The following CHRM4 variants were observed in gnomAD, a reference collection of about 807,000 sequenced individuals.
CHRM4 encodes the protein muscarinic acetylcholine receptor M4.
Under a neutral mutation model 26.3 loss-of-function variants are expected in CHRM4, and 5 were observed. The ratio of observed to expected loss-of-function variants is 0.19; its 90% confidence interval spans 0.10 to 0.40. The LOEUF (loss-of-function observed/expected upper bound fraction) is 0.40. CHRM4 is among the 10% of genes least tolerant of loss of function. The pLI, the probability that CHRM4 is intolerant of heterozygous loss-of-function variation, is 1.00. For synonymous variants in CHRM4, 290 were observed against 285.3 expected (o/e 1.02, Z -0.16); for missense variants, 402 against 664.5 (o/e 0.60, Z 4.34).
At position 46,386,333 on chromosome 11, in the gene CHRM4, C is replaced by G. The variant is rs202200783; in HGVS notation, c.225G>C (p.Ala75=). 4.3e-6 allele frequency: 7 copies of G among 1,613,844 alleles called. No individual in the cohort carries two copies. The African/African-American group carries it at 9.3e-5, about 22-fold the overall frequency. Residue 75 remains alanine (A), a synonymous_variant, in exon 2 of 2, where the codon GCG becomes GCC. Transcript: ENST00000682254. The surrounding 1 kb of genome is among the most constrained non-coding windows in gnomAD (Gnocchi z 5.8). The part of the protein sequence containing the change: ...TVNNYFLFSL[A]CADLIIGAFS... ...AGGCGCCTATGATGAGATCAGCACACGCCAGGCTGAAGAGGAAGTAGTTGT... is the reference window on the plus strand; with the variant it reads ...AGGCGCCTATGATGAGATCAGCACAGGCCAGGCTGAAGAGGAAGTAGTTGT...
chr11:46,385,461 C>A lies in CHRM4; in HGVS notation c.1097G>T (p.Gly366Val). ...GGCCACGTTGGCCGCAGGGCGCATGCCAGCCGGCGTGGCAGGCACAATCTC... is the reference window on the plus strand; with the variant it reads ...GGCCACGTTGGCCGCAGGGCGCATGACAGCCGGCGTGGCAGGCACAATCTC... ...AIEIVPATPA[G>V]MRPAANVARK... is the part of the protein sequence containing the mutation. Residue 366 changes from glycine (G) to valine (V), a missense_variant, in exon 2 of 2, where the codon GGC (glycine) becomes GTC (valine). By Grantham distance (109) the Gly-to-Val change is moderately radical (BLOSUM62 -3). Around this residue, in one of 5 missense-constraint regions of CHRM4, gnomAD observed 205 missense variants for 244.0 expected, o/e 0.84. Transcript: ENST00000682254. The surrounding 1 kb of genome is among the most constrained non-coding windows in gnomAD (Gnocchi z 6.3). The A allele has an allele frequency of 6.2e-7, 1 of 1,602,470 alleles. No homozygotes were observed.
chr11:46,388,517 A>C (rs986643897), intron 1 of CHRM4, among the ~76,000 whole-genome samples: 1 of 152,264 alleles, frequency 6.6e-6, no homozygotes, highest in Non-Finnish European at 1.5e-5. Context: ...TCGCAGATAC[A>C]GACCCAGCCT....
In CHRM4 at chr11:46,391,015, G is replaced by A. The variant is rs1203658696; in HGVS notation, c.-30+516C>T. Among the ~76,000 whole-genome samples, 2 of 152,210 alleles carry A rather than the reference G, an allele frequency of 1.3e-5. No homozygotes were observed. The highest frequency in any genetic ancestry group is 2.9e-5 in the Non-Finnish European group (2 of 68,024). On this transcript the variant is annotated intron_variant, in intron 1 of 1. Transcript: ENST00000682254. This position sits in a 1 kb window ranked among gnomAD's most constrained non-coding sequence, Gnocchi z 6.3. ...ACATTGTGCCCAACACTTCCGTTGC[G>A]GGGCCGGAGGAGGGGGCCTGGAGCT...
intron 1 of CHRM4, among the ~76,000 whole-genome samples, chr11:46,389,302 C>A (rs1945371319): frequency 6.6e-6 from 1 of 152,240 alleles, no homozygotes; most frequent in South Asian, 2.1e-4. Context: ...GTCTTGTCTT[C>A]TCCCAGATCC....
intron 1 of CHRM4, among the ~76,000 whole-genome samples, chr11:46,388,253 G>A (rs1490996519): frequency 2.0e-5 from 3 of 152,242 alleles, no homozygotes; most frequent in East Asian, 3.8e-4. Flanking sequence ...CGCGGCAGCC[G>A]GCTGTGGAGG....
At chr11:46,390,329 CAG>C (rs1049188586) in intron 1 of CHRM4, among the ~76,000 whole-genome samples, 4 of 152,224 alleles carry the variant, frequency 2.6e-5, no homozygotes, top group African/African-American at 9.7e-5. Flanking sequence ...AAAGATGTGG[CAG>C]AGTCCTAGCC....
In CHRM4 at chr11:46,384,025, C is replaced by G. The variant is rs1590680135; in HGVS notation, c.*1093G>C. Among the ~76,000 whole-genome samples, 1 of 152,328 alleles carries G rather than the reference C, an allele frequency of 6.6e-6. No homozygotes were observed. Among genetic ancestry groups the G allele is most frequent in the East Asian group, 1.9e-4 (1 of 5,180 alleles). ...GGTGCTCCCCATCAAGTCACCTAAG[C>G]CTTTCGGTCCTCATCTCCCTCAGGG... On this transcript the variant is annotated 3_prime_UTR_variant, in exon 2 of 2. Coordinates refer to ENST00000682254, the MANE Select transcript of CHRM4 (RefSeq NM_000741.5).
rs1013688972 is a variant in CHRM4, at chr11:46,385,046, C to T, written c.*72G>A. 2.9e-5 allele frequency: 43 copies of T among 1,481,802 alleles called. No individual in the cohort carries two copies. Among genetic ancestry groups the T allele is most frequent in the South Asian group, 9.4e-5 (7 of 74,308 alleles). The allele number at this position is 1,481,802 out of a possible 1,614,324, so 91.8% of individuals were successfully genotyped here. A position where few individuals can be genotyped will look rare whatever the true frequency, so the allele number is the denominator to read the frequency against. ...GAATGGTGCCTGCAACTCTTCCCCA[C>T]AGCAAGTGAGCCGTGTGGTCCCCCC... On this transcript the variant is annotated 3_prime_UTR_variant, in exon 2 of 2. Coordinates refer to ENST00000682254, the MANE Select transcript of CHRM4 (RefSeq NM_000741.5). This position sits in a 1 kb window ranked among gnomAD's most constrained non-coding sequence, Gnocchi z 6.3.
At position 46,384,260 on chromosome 11, in the gene CHRM4, A is replaced by AC. The variant is rs1945307715; in HGVS notation, c.*857dup. Among the ~76,000 whole-genome samples, 1 of 152,136 alleles carries AC rather than the reference A, an allele frequency of 6.6e-6. No homozygotes were observed. The highest frequency in any genetic ancestry group is 2.4e-5 in the African/African-American group (1 of 41,422). On this transcript the variant is annotated 3_prime_UTR_variant, in exon 2 of 2. Coordinates refer to ENST00000682254, the MANE Select transcript of CHRM4 (RefSeq NM_000741.5). ...GAAACCCGAGTGAGCCACCAGGTTG[A>AC]CCCCTTTCCTCTTGCCTGTGTGACC... is the stretch of plus-strand genomic sequence containing the variant.
chr11:46,391,281 G>A lies in CHRM4; in HGVS notation c.-30+250C>T, dbSNP rs533208554. On this transcript the variant is annotated intron_variant, in intron 1 of 1. Coordinates refer to ENST00000682254, the MANE Select transcript of CHRM4 (RefSeq NM_000741.5). The surrounding 1 kb of genome is among the most constrained non-coding windows in gnomAD (Gnocchi z 6.3). ...CGGCGCCCTGCTGAGCCGCCAGTGGGAGGGCTGGAGTACAGGGTCCCACCC... is the reference window on the plus strand; with the variant it reads ...CGGCGCCCTGCTGAGCCGCCAGTGGAAGGGCTGGAGTACAGGGTCCCACCC... 1.3e-5 allele frequency among the ~76,000 whole-genome samples: 2 copies of A among 152,118 alleles called. No individual in the cohort carries two copies. The highest frequency in any genetic ancestry group is 2.9e-5 in the Non-Finnish European group (2 of 67,956).
rs901840525 is a variant in CHRM4 at position 46,384,374 on chromosome 11, T to C, written c.*744A>G. On this transcript the variant is annotated 3_prime_UTR_variant, in exon 2 of 2. Transcript: ENST00000682254. The stretch of plus-strand genomic sequence containing the variant: ...CCACCACAGCCTCACCCTGACTCGA[T>C]GTGTGACCTGGGACAGCCTTCTAAG... 6.6e-6 allele frequency among the ~76,000 whole-genome samples: 1 copy of C among 152,166 alleles called. No individual in the cohort carries two copies. The highest frequency in any genetic ancestry group is 6.5e-5 in the Admixed American group (1 of 15,284).
At position 46,385,646 on chromosome 11, in the gene CHRM4, G is replaced by A. The variant is rs1410103132; in HGVS notation, c.912C>T (p.Asn304=). The change falls in exon 2 of 2, where the codon AAC becomes AAT. Residue 304 remains asparagine (N), a synonymous_variant. Transcript: ENST00000682254. The surrounding 1 kb of genome is among the most constrained non-coding windows in gnomAD (Gnocchi z 6.3). ...GCTCTGTGGCTGGGCGTTCCTTGGT[G>A]TTCTGGGTGGCACTGCCTGAGCTGG... is the stretch of plus-strand genomic sequence containing the variant. The part of the protein sequence containing the change: ...NESSSGSATQ[N]TKERPATELS... 1.3e-6 allele frequency: 2 copies of A among 1,533,910 alleles called. No individual in the cohort carries two copies. Among genetic ancestry groups the A allele is most frequent in the Non-Finnish European group, 1.8e-6 (2 of 1,141,614 alleles).
At chr11:46,387,802 C>T (rs1199781550) in intron 1 of CHRM4, among the ~76,000 whole-genome samples, 1 of 152,232 alleles carries the variant, frequency 6.6e-6, no homozygotes, top group Non-Finnish European at 1.5e-5. Context: ...GCTCCAGCCA[C>T]AGGGCATGCA....
At chr11:46,387,162 G>A (rs563084976) in intron 1 of CHRM4, among the ~76,000 whole-genome samples, 30 of 152,278 alleles carry the variant, frequency 2.0e-4, no homozygotes, top group African/African-American at 3.1e-4. Flanking sequence ...TTACCCATTC[G>A]GTCATTTCTT....
rs1945339659 is a variant in CHRM4, at chr11:46,386,267, G to A, written c.291C>T (p.Tyr97=). The change falls in exon 2 of 2, where the codon TAC becomes TAT. Residue 97 remains tyrosine, a synonymous_variant. Transcript: ENST00000682254. This position sits in a 1 kb window ranked among gnomAD's most constrained non-coding sequence, Gnocchi z 5.8. ...CGCAGACCACGGCGCCCAGGGGCCA[G>A]TAGCCCTTGATGATGTACACGGTGT... ...NLYTVYIIKG[Y]WPLGAVVCDL... 2.5e-6 allele frequency: 4 copies of A among 1,613,812 alleles called. No individual in the cohort carries two copies. Among genetic ancestry groups the A allele is most frequent in the South Asian group, 1.1e-5 (1 of 91,088 alleles).
At chr11:46,389,511 C>T (rs1034797899) in intron 1 of CHRM4, among the ~76,000 whole-genome samples, 6 of 152,254 alleles carry the variant, frequency 3.9e-5, no homozygotes, top group African/African-American at 1.2e-4. Context: ...CCCTGGAATC[C>T]AGATACGCCT....
chr11:46,387,612 G>A (rs1945353319), intron 1 of CHRM4, among the ~76,000 whole-genome samples: 1 of 152,230 alleles, frequency 6.6e-6, no homozygotes, highest in African/African-American at 2.4e-5. Flanking sequence ...GTGAGAGGAA[G>A]GCAGTCCCGT....
Position 46,384,967 on chromosome 11 carries a change from T to C in CHRM4, c.*151A>G. 1 of 1,237,462 alleles carries C rather than the reference T, an allele frequency of 8.1e-7. No homozygotes were observed. Among genetic ancestry groups the C allele is most frequent in the Non-Finnish European group, 1.1e-6 (1 of 915,792 alleles). The allele number at this position is 1,237,462 out of a possible 1,614,324, so 76.7% of individuals were successfully genotyped here. On this transcript the variant is annotated 3_prime_UTR_variant, in exon 2 of 2. Transcript: ENST00000682254. ...TCAGCCTGAGCAGAGATCTGGTCTC[T>C]GAATGCAGCCACAGAGCCTCTTCTG... is the stretch of plus-strand genomic sequence containing the variant.
rs1333430519 is a variant in CHRM4, at chr11:46,391,048, C to A, written c.-30+483G>T. On this transcript the variant is annotated intron_variant, in intron 1 of 1. Transcript: ENST00000682254. The surrounding 1 kb of genome is among the most constrained non-coding windows in gnomAD (Gnocchi z 6.3). ...AGGAGGGGGCCTGGAGCTGGAGGAC[C>A]CCGGCTTGGAGGCTGGGCAGCAAAG... Among the ~76,000 whole-genome samples, 4 of 152,030 alleles carry A rather than the reference C, an allele frequency of 2.6e-5. No homozygotes were observed. The East Asian group carries it at 7.8e-4, about 29-fold the overall frequency.
Sources: allele counts gnomAD v4.1 joint callset (sites outside exome capture counted in the v4.1 genomes callset), GRCh38; gene constraint gnomAD v4.1.1; regional missense constraint gnomAD v4.1.1; non-coding constraint Gnocchi (gnomAD v3.1); transcripts MANE v1.5; gene names NCBI Gene and HGNC (gene_info 2026-07-23, HGNC 2026-07-21).